The following COPG2 variants were observed in gnomAD, a reference collection of about 807,000 sequenced individuals.
COPG2 encodes the protein coat protein complex I subunit gamma 2, also known as coatomer subunit gamma-2.
COPG2 carries 37 observed loss-of-function variants against 46.3 expected under a neutral mutation model. The ratio of observed to expected loss-of-function variants is 0.80; its 90% CI spans 0.61 to 1.05. The LOEUF is 1.05. Among genes scored for constraint, COPG2 ranks in the 50% least tolerant of loss-of-function variants. The pLI is 0.00. For synonymous variants in COPG2, 159 were observed against 129.7 expected (o/e 1.23, Z -1.53); for missense variants, 427 against 387.8 (o/e 1.10, Z -0.85).
At chr7:130,561,412 A>G (rs1793717354) in intron 11 of COPG2, among the ~76,000 whole-genome samples, 191 bp from the exon 12 acceptor site, 1 of 152,172 alleles carries the variant, frequency 6.6e-6, no homozygotes, top group Non-Finnish European at 1.5e-5. Flanking sequence ...AGAGTATAGC[A>G]TCGTACTCTC....
chr7:130,617,339 A>G (rs1449311936), intron 5 of COPG2, among the ~76,000 whole-genome samples: 2 of 152,220 alleles, frequency 1.3e-5, no homozygotes, highest in East Asian at 3.8e-4. Context: ...TAATCACGTA[A>G]ACAAAACAAC....
intron 9 of COPG2, among the ~76,000 whole-genome samples, chr7:130,600,960 C>T (rs534844466): frequency 1.7e-3 from 259 of 152,270 alleles, no homozygotes; most frequent in Admixed American, 3.2e-3. Flanking sequence ...TTTTGAGATT[C>T]GGTTATAAAA....
At chr7:130,596,836 T>C (rs148427560) in intron 9 of COPG2, among the ~76,000 whole-genome samples, 6 of 152,360 alleles carry the variant, frequency 3.9e-5, no homozygotes, top group African/African-American at 1.4e-4. Context: ...GAAACTATAC[T>C]GTTCTTTTCT....
At chr7:130,508,190 A>T in intron 21 of COPG2, 1 of 255,772 alleles carries the variant, frequency 3.9e-6, no homozygotes, top group Non-Finnish European at 7.4e-6. Flanking sequence ...ATCTGGCTAT[A>T]AACTAACAGC....
chr7:130,657,773 CA>C (rs1391225157), intron 4 of COPG2, among the ~76,000 whole-genome samples: 1 of 151,380 alleles, frequency 6.6e-6, no homozygotes, highest in Non-Finnish European at 1.5e-5. Context: ...GGTAAAAATA[CA>C]AATGAAAAGA....
At chr7:130,551,419 G>T in intron 15 of COPG2, 75 bp from the exon 16 acceptor site, 2 of 396,738 alleles carry the variant, frequency 5.0e-6, no homozygotes. Context: ...AAATCTAAAG[G>T]ACACAGCTCA....
chr7:130,558,839 G>A (rs1793672772), intron 12 of COPG2, among the ~76,000 whole-genome samples: 2 of 151,988 alleles, frequency 1.3e-5, no homozygotes, highest in East Asian at 1.9e-4. Flanking sequence ...GAATTTTGGG[G>A]GGCAACTAAC....
At chr7:130,661,397 T>G (rs1464759714) in intron 4 of COPG2, among the ~76,000 whole-genome samples, 1 of 152,190 alleles carries the variant, frequency 6.6e-6, no homozygotes, top group Non-Finnish European at 1.5e-5. Context: ...ACAGCCTCCC[T>G]CTGAACCCTA....
intron 9 of COPG2, among the ~76,000 whole-genome samples, chr7:130,576,058 C>G (rs1171885448): frequency 6.6e-6 from 1 of 152,042 alleles, no homozygotes; most frequent in Non-Finnish European, 1.5e-5. Context: ...CTTGAGCTCC[C>G]AAATTTATAA....
intron 20 of COPG2, among the ~76,000 whole-genome samples, chr7:130,536,785 T>A (rs1402057603): frequency 2.0e-5 from 3 of 152,090 alleles, no homozygotes; most frequent in African/African-American, 7.2e-5. Context: ...GGAGCTGGGA[T>A]TTCCAGCGCC....
intron 20 of COPG2, among the ~76,000 whole-genome samples, chr7:130,539,804 C>A (rs970828893): frequency 0.047 from 7,169 of 152,138 alleles, 188 homozygotes; most frequent in South Asian, 0.083. Flanking sequence ...AGGACAGCCA[C>A]AGGCAGGACA....
At chr7:130,592,572 CAAT>C (rs1168963389) in intron 9 of COPG2, among the ~76,000 whole-genome samples, 1 of 151,936 alleles carries the variant, frequency 6.6e-6, no homozygotes, top group Admixed American at 6.6e-5. Flanking sequence ...CATAAAAAAT[CAAT>C]AAACTAGGAA....
intron 20 of COPG2, among the ~76,000 whole-genome samples, chr7:130,542,748 G>GA (rs1793356821): frequency 6.6e-6 from 1 of 152,162 alleles, no homozygotes; most frequent in Admixed American, 6.5e-5. Flanking sequence ...ATTTGATGAC[G>GA]GAAGTTTATG....
intron 9 of COPG2, among the ~76,000 whole-genome samples, chr7:130,609,129 C>T (rs1794791525): frequency 6.6e-6 from 1 of 152,116 alleles, no homozygotes; most frequent in African/African-American, 2.4e-5. Flanking sequence ...GATTCACCTG[C>T]CTCAGCCTCC....
chr7:130,635,583 T>C (rs762189717), intron 5 of COPG2, among the ~76,000 whole-genome samples: 1 of 152,204 alleles, frequency 6.6e-6, no homozygotes, highest in African/African-American at 2.4e-5. Flanking sequence ...ATTGTGTCTA[T>C]TTGATTCTTC....
At chr7:130,584,587 A>G (rs1794227403) in intron 9 of COPG2, among the ~76,000 whole-genome samples, 1 of 152,082 alleles carries the variant, frequency 6.6e-6, no homozygotes, top group South Asian at 2.1e-4. Context: ...AATCTCTTAG[A>G]ACTGATACAA....
At chr7:130,506,969 A>G (rs1033727733) in intron 23 of COPG2, among the ~76,000 whole-genome samples, 163 bp from the exon 24 acceptor site, 1 of 152,222 alleles carries the variant, frequency 6.6e-6, no homozygotes, top group Non-Finnish European at 1.5e-5. Flanking sequence ...CCAAATATAT[A>G]TATTTTTATA....
At chr7:130,647,459 G>A (rs2116223311) in intron 5 of COPG2, among the ~76,000 whole-genome samples, 1 of 152,152 alleles carries the variant, frequency 6.6e-6, no homozygotes, top group South Asian at 2.1e-4. Context: ...TGACATTCTT[G>A]TACAGTCTTT....
intron 9 of COPG2, among the ~76,000 whole-genome samples, chr7:130,582,045 C>A (rs1467658610): frequency 6.6e-6 from 1 of 152,106 alleles, no homozygotes; most frequent in Non-Finnish European, 1.5e-5. Context: ...CCAAGGCAAT[C>A]CTAAGCCAAA....
Sources: gnomAD v4.1 joint callset for allele counts (sites outside exome capture counted in the v4.1 genomes callset) on GRCh38, gnomAD v4.1.1 for gene constraint, MANE v1.5 for transcripts, NCBI Gene and HGNC (gene_info 2026-07-23, HGNC 2026-07-21) for gene names.